ST6GALNAC3: variants seen among roughly 807,000 people sequenced by gnomAD.
ST6GALNAC3 encodes the protein ST6 N-acetylgalactosaminide alpha-2,6-sialyltransferase 3.
In ST6GALNAC3, 25 loss-of-function variants were observed where a neutral mutation model predicts 32.7. The observed-to-expected ratio is 0.76, with a 90% CI of 0.56 to 1.07. ST6GALNAC3 has a LOEUF of 1.07. Among genes scored for constraint, ST6GALNAC3 ranks in the 50% least tolerant of loss-of-function variants. ST6GALNAC3 has a pLI of 0.00. For missense variants in ST6GALNAC3, 355 were observed against 382.4 expected, an observed-to-expected ratio of 0.93 and a Z score of 0.60; for synonymous variants, 129 against 133.1, an observed-to-expected ratio of 0.97 and a Z score of 0.21.
chr1:76,507,322 G>A (rs1374245208), intron 3 of ST6GALNAC3, among the ~76,000 whole-genome samples: 14 of 152,032 alleles, frequency 9.2e-5, no homozygotes, highest in Admixed American at 9.2e-4. Context: ...CCCATTTAAA[G>A]TGTATAATTC....
intron 1 of ST6GALNAC3, among the ~76,000 whole-genome samples, chr1:76,199,780 T>A (rs1012252319): frequency 6.6e-6 from 1 of 152,240 alleles, no homozygotes; most frequent in African/African-American, 2.4e-5. Flanking sequence ...TAAAATAAGA[T>A]GCTTTATAAC....
chr1:76,449,547 C>T (rs1657237104), intron 3 of ST6GALNAC3, among the ~76,000 whole-genome samples: 1 of 152,218 alleles, frequency 6.6e-6, no homozygotes, highest in African/African-American at 2.4e-5. Flanking sequence ...GAGAGTTCCT[C>T]ATGCTCCACA....
In ST6GALNAC3 at chr1:76,277,567, T is replaced by TAC. The variant is rs1553172548; in HGVS notation, c.19-36228_19-36227dup. Among the ~76,000 whole-genome samples the TAC allele has an allele frequency of 9.2e-4, 47 of 51,278 alleles. 1 individual carries two copies. Among genetic ancestry groups the TAC allele is most frequent in the East Asian group, 8.2e-3 (6 of 734 alleles). 33.6% of individuals were successfully genotyped at this position (51,278 alleles called of 152,430 possible). ...ATATATATATATATATATATATATA[T>TAC]ACACACACACATATGTTTATGTGTA... is the stretch of plus-strand genomic sequence containing the variant. On this transcript the variant is annotated intron_variant, in intron 1 of 4. Coordinates refer to ENST00000328299, the MANE Select transcript of ST6GALNAC3 (RefSeq NM_152996.4).
intron 3 of ST6GALNAC3, among the ~76,000 whole-genome samples, chr1:76,559,328 A>G (rs549518278): frequency 6.6e-6 from 1 of 152,338 alleles, no homozygotes; most frequent in Non-Finnish European, 1.5e-5. Flanking sequence ...ATGCAAATGC[A>G]AAAGAATGAA....
At chr1:76,325,405 T>TAGTGTG (rs1647048826) in intron 2 of ST6GALNAC3, among the ~76,000 whole-genome samples, 2 of 152,156 alleles carry the variant, frequency 1.3e-5, no homozygotes, top group African/African-American at 4.8e-5. Flanking sequence ...ATCTCTTTCA[T>TAGTGTG]CTATACTTAC....
intron 2 of ST6GALNAC3, among the ~76,000 whole-genome samples, chr1:76,352,187 C>A (rs192236808): frequency 6.6e-6 from 1 of 152,204 alleles, no homozygotes; most frequent in Non-Finnish European, 1.5e-5. Context: ...CCTTAATAGT[C>A]ATTTGGTGTT....
intron 3 of ST6GALNAC3, among the ~76,000 whole-genome samples, chr1:76,624,026 T>C (rs1648808338): frequency 1.3e-5 from 2 of 151,938 alleles, no homozygotes; most frequent in African/African-American, 4.8e-5. Context: ...CCCTAGCTTG[T>C]ACTGTGGGTA....
chr1:76,186,803 A>G (rs1328043430), intron 1 of ST6GALNAC3, among the ~76,000 whole-genome samples: 1 of 151,996 alleles, frequency 6.6e-6, no homozygotes, highest in East Asian at 1.9e-4. Context: ...TGTACATGGC[A>G]CCTCCATTCT....
chr1:76,138,857 T>A (rs1376410875), intron 1 of ST6GALNAC3, among the ~76,000 whole-genome samples: 2 of 152,054 alleles, frequency 1.3e-5, no homozygotes, highest in Admixed American at 6.5e-5. Context: ...AAGATCTCAT[T>A]TTCCCCTTTT....
chr1:76,463,502 A>G (rs926147999), intron 3 of ST6GALNAC3, among the ~76,000 whole-genome samples: 1 of 152,190 alleles, frequency 6.6e-6, no homozygotes, highest in Admixed American at 6.6e-5. Flanking sequence ...GTTGAGCAGC[A>G]AATTGAAAAT....
chr1:76,420,730 T>C (rs1654973804), intron 3 of ST6GALNAC3, among the ~76,000 whole-genome samples: 1 of 152,052 alleles, frequency 6.6e-6, no homozygotes, highest in South Asian at 2.1e-4. Context: ...ACGTGACTGC[T>C]TATCTAGTCC....
intron 4 of ST6GALNAC3, 33 bp downstream of exon 4, chr1:76,627,592 C>T: frequency 1.4e-6 from 2 of 1,436,934 alleles, no homozygotes; most frequent in Non-Finnish European, 2.0e-6. Context: ...TTATGCAGCT[C>T]CAATTCGGAG....
At chr1:76,450,901 G>T (rs1657346280) in intron 3 of ST6GALNAC3, among the ~76,000 whole-genome samples, 1 of 152,064 alleles carries the variant, frequency 6.6e-6, no homozygotes, top group Non-Finnish European at 1.5e-5. Context: ...TCTGTCCATT[G>T]GTCTATATGC....
intron 3 of ST6GALNAC3, among the ~76,000 whole-genome samples, chr1:76,515,773 T>C (rs1268513758): frequency 1.3e-5 from 2 of 152,222 alleles, no homozygotes; most frequent in African/African-American, 4.8e-5. Flanking sequence ...TCTGAAAAGA[T>C]ACTTGATATG....
intron 2 of ST6GALNAC3, among the ~76,000 whole-genome samples, chr1:76,346,926 A>C (rs1406011509): frequency 6.6e-6 from 1 of 152,192 alleles, no homozygotes; most frequent in Non-Finnish European, 1.5e-5. Flanking sequence ...TAGTATATAG[A>C]CGTAGAGAAA....
chr1:76,196,584 G>C (rs1220835710), intron 1 of ST6GALNAC3, among the ~76,000 whole-genome samples: 2 of 151,990 alleles, frequency 1.3e-5, no homozygotes, highest in South Asian at 2.1e-4. Context: ...TCCCACGTCA[G>C]CCTCTCGAGT....
In ST6GALNAC3 at chr1:76,158,347, G is replaced by A. The variant is rs72674456; in HGVS notation, c.18+83463G>A. Among the ~76,000 whole-genome samples the A allele has an allele frequency of 8.0e-3, 1,218 of 152,246 alleles. 6 individuals carry two copies. Among genetic ancestry groups the A allele is most frequent in the Non-Finnish European group, 0.012 (839 of 68,008 alleles). On this transcript the variant is annotated intron_variant, in intron 1 of 4. Transcript: ENST00000328299. Reference sequence around the variant, plus strand: ...GTTCTACACCCTGGACATAGCAACCGACTGAGTCAGGCCAATTAACTTCTC... The same window carrying A: ...GTTCTACACCCTGGACATAGCAACCAACTGAGTCAGGCCAATTAACTTCTC...
intron 3 of ST6GALNAC3, among the ~76,000 whole-genome samples, chr1:76,531,906 G>A (rs1032682123): frequency 6.6e-6 from 1 of 152,148 alleles, no homozygotes; most frequent in Non-Finnish European, 1.5e-5. Context: ...ACATCCTGGG[G>A]CATGTGGAAA....
intron 3 of ST6GALNAC3, among the ~76,000 whole-genome samples, chr1:76,545,050 A>G (rs1664207545): frequency 6.6e-6 from 1 of 152,186 alleles, no homozygotes; most frequent in African/African-American, 2.4e-5. Context: ...GCAGTGGCAA[A>G]CCACTACCGT....
Sources: allele counts gnomAD v4.1 joint callset (sites outside exome capture counted in the v4.1 genomes callset), GRCh38; gene constraint gnomAD v4.1.1; transcripts MANE v1.5; gene names NCBI Gene and HGNC (gene_info 2026-07-23, HGNC 2026-07-21).